The following SMS variants were observed in gnomAD, a reference collection of about 807,000 sequenced individuals.
SMS encodes spermidine aminopropyltransferase.
A neutral mutation model predicts 33.0 loss-of-function variants in SMS; 3 were observed. The observed-to-expected ratio is 0.09, with a 90% CI of 0.04 to 0.23. SMS has a LOEUF of 0.23. SMS is among the 10% of genes least tolerant of loss of function. SMS has a pLI of 1.00. For synonymous variants in SMS, 103 were observed against 112.2 expected (o/e 0.92, Z 0.52); for missense variants, 117 against 288.6 (o/e 0.41, Z 4.31).
chrX:21,959,483 C>T (rs1016338586), intron 1 of SMS, among the ~76,000 whole-genome samples: 2 of 111,518 alleles, frequency 1.8e-5, no homozygotes, highest in African/African-American at 6.5e-5. Context: ...TCATTCTTTT[C>T]AGAGGGGTTA....
At position 21,942,691 on chromosome X, in the gene SMS, C is replaced by G. The variant is rs188181690; in HGVS notation, c.49+1818C>G. Among the ~76,000 whole-genome samples the G allele has an allele frequency of 2.3e-4, 26 of 110,919 alleles. No homozygotes were observed. The East Asian group carries it at 6.2e-3, about 27-fold the overall frequency. On this transcript the variant is annotated intron_variant, in intron 1 of 10. Coordinates refer to ENST00000404933, the MANE Select transcript of SMS (RefSeq NM_004595.5). ...TAGGGCTGAATGGTTAATGAAAGCT[C>G]TAGCATACTGAATTTAGCGGTGAGG... is the stretch of plus-strand genomic sequence containing the variant.
At chrX:21,958,218 A>G (rs1430303575) in intron 1 of SMS, among the ~76,000 whole-genome samples, 1 of 111,805 alleles carries the variant, frequency 8.9e-6, no homozygotes, top group Non-Finnish European at 1.9e-5. Flanking sequence ...TTCTGATGTT[A>G]TCGTTATCTT....
In SMS at chrX:21,964,119, A is replaced by G. The variant is rs1923542672; in HGVS notation, c.50-3077A>G. On this transcript the variant is annotated intron_variant, in intron 1 of 10. Transcript: ENST00000404933. ...AGTCTTAAATGTTACAGTTCTGGGG[A>G]TATAATTCAGACCTTCGCTTTTAAT... is the stretch of plus-strand genomic sequence containing the variant. Among the ~76,000 whole-genome samples the G allele has an allele frequency of 2.9e-5, 3 of 102,603 alleles. No homozygotes were observed. The South Asian group carries it at 1.4e-3, about 46-fold the overall frequency. 89.1% of individuals were successfully genotyped at this position (102,603 alleles called of 115,157 possible).
At chrX:21,970,778 T>C (rs1924092284) in intron 2 of SMS, among the ~76,000 whole-genome samples, 1 of 105,700 alleles carries the variant, frequency 9.5e-6, no homozygotes, top group African/African-American at 3.5e-5. Context: ...CCAAGCACAC[T>C]GTCTGTATTC....
chrX:21,987,405 C>A (rs769659770), intron 9 of SMS, among the ~76,000 whole-genome samples: 1 of 112,185 alleles, frequency 8.9e-6, no homozygotes, highest in African/African-American at 3.2e-5. Context: ...CAGTGGCACT[C>A]ATTGCAGCCT....
chrX:21,990,652 A>G (rs1301733218), intron 9 of SMS, among the ~76,000 whole-genome samples: 1 of 112,241 alleles, frequency 8.9e-6, no homozygotes, highest in Non-Finnish European at 1.9e-5. Context: ...AAACTTTCCT[A>G]TTTTCTTACC....
In SMS at chrX:21,943,090, G is replaced by A. The variant is rs183202602; in HGVS notation, c.49+2217G>A. On this transcript the variant is annotated intron_variant, in intron 1 of 10. Coordinates refer to ENST00000404933, the MANE Select transcript of SMS (RefSeq NM_004595.5). ...TCAAACTCCTGGCCTCAAGCGATCCGCCTGCCTCAGCCTCCCAAAGGGCTG... is the reference window on the plus strand; with the variant it reads ...TCAAACTCCTGGCCTCAAGCGATCCACCTGCCTCAGCCTCCCAAAGGGCTG... Among the ~76,000 whole-genome samples, 734 of 111,076 alleles carry A rather than the reference G, an allele frequency of 6.6e-3. 10 individuals carry two copies. Among genetic ancestry groups the A allele is most frequent in the African/African-American group, 0.022 (686 of 30,493 alleles).
At chrX:21,941,884 CAAAAAAAAAAAAAAAAAAAA>C (rs760394146) in intron 1 of SMS, among the ~76,000 whole-genome samples, 22 of 19,569 alleles carry the variant, frequency 1.1e-3, no homozygotes, top group South Asian at 9.9e-3. Flanking sequence ...GACCCTGTCT[CAAAAAAAAAAAAAAAAAAAA>C]AAAAAAAAAA....
intron 1 of SMS, among the ~76,000 whole-genome samples, chrX:21,959,525 A>G (rs1923193980): frequency 8.9e-6 from 1 of 111,789 alleles, no homozygotes; most frequent in Admixed American, 9.5e-5. Context: ...CTGAACAGAT[A>G]CTTCTTTAAC....
chrX:21,947,786 C>T (rs1314331781), intron 1 of SMS, among the ~76,000 whole-genome samples: 2 of 111,607 alleles, frequency 1.8e-5, no homozygotes, highest in African/African-American at 3.3e-5. Context: ...AATTTCTACC[C>T]GGTTTTTCCT....
intron 1 of SMS, among the ~76,000 whole-genome samples, chrX:21,948,439 C>CTT (rs59082770): frequency 1.0e-4 from 8 of 80,188 alleles, no homozygotes; most frequent in Middle Eastern, 6.8e-3. Context: ...GTCAATGTGT[C>CTT]TTTTTTTTTT....
chrX:21,960,314 T>A (rs1923254001), intron 1 of SMS, among the ~76,000 whole-genome samples: 1 of 110,284 alleles, frequency 9.1e-6, no homozygotes, highest in East Asian at 2.8e-4. Flanking sequence ...TTGGCGAGAA[T>A]AGAAATTCAT....
intron 1 of SMS, among the ~76,000 whole-genome samples, chrX:21,960,304 T>G (rs1458761282): frequency 9.0e-6 from 1 of 110,783 alleles, no homozygotes; most frequent in African/African-American, 3.3e-5. Context: ...AAAAATATGC[T>G]TGGCGAGAAT....
intron 7 of SMS, among the ~76,000 whole-genome samples, chrX:21,982,742 A>G (rs1303539201): frequency 8.9e-6 from 1 of 112,751 alleles, no homozygotes; most frequent in Non-Finnish European, 1.9e-5. Context: ...GTGGGATTCA[A>G]ATTTTACAAA....
At chrX:21,942,049 A>C (rs1921848764) in intron 1 of SMS, among the ~76,000 whole-genome samples, 1 of 108,296 alleles carries the variant, frequency 9.2e-6, no homozygotes, top group African/African-American at 3.4e-5. Context: ...CGCGGGAAGG[A>C]TAGAACTGCC....
Position 21,994,660 on chromosome X carries a change from T to C in SMS, c.*309T>C, listed in dbSNP as rs775469094. The C allele has an allele frequency of 1.2e-6, 1 of 847,015 alleles. No homozygotes were observed. The highest frequency in any genetic ancestry group is 2.2e-5 in the African/African-American group (1 of 46,002). The allele number at this position is 847,015 out of a possible 1,213,427, so 69.8% of individuals were successfully genotyped here. On this transcript the variant is annotated 3_prime_UTR_variant, in exon 11 of 11. Transcript: ENST00000404933. Reference sequence around the variant, plus strand: ...TCTCTGTGGGCTTTTGTTTTTGTTTTTGTTTTGGTAGATCTTCAATTTGGA... The same window carrying C: ...TCTCTGTGGGCTTTTGTTTTTGTTTCTGTTTTGGTAGATCTTCAATTTGGA...
intron 1 of SMS, among the ~76,000 whole-genome samples, chrX:21,948,841 C>T (rs1221558232): frequency 3.6e-5 from 4 of 112,166 alleles, no homozygotes; most frequent in African/African-American, 9.7e-5. Context: ...GTAACCTAAG[C>T]CTGCTGGTGT....
intron 4 of SMS, among the ~76,000 whole-genome samples, chrX:21,972,813 G>A (rs778410949): frequency 6.5e-5 from 7 of 107,465 alleles, no homozygotes; most frequent in Non-Finnish European, 9.6e-5. Flanking sequence ...AAAGGCTGAC[G>A]CATGCGAATG....
At chrX:21,973,369 G>A (rs1197616919) in intron 4 of SMS, among the ~76,000 whole-genome samples, 3 of 112,326 alleles carry the variant, frequency 2.7e-5, no homozygotes, top group African/African-American at 6.5e-5. Flanking sequence ...CCCGGGAAGC[G>A]GAGGTTGCAG....
Sources: allele counts gnomAD v4.1 joint callset (sites outside exome capture counted in the v4.1 genomes callset), GRCh38; gene constraint gnomAD v4.1.1; transcripts MANE v1.5; gene names NCBI Gene and HGNC (gene_info 2026-07-23, HGNC 2026-07-21).